Variants in RCSD1 observed in about 807,000 individuals in gnomAD.
The protein encoded by RCSD1 is RCSD domain containing 1.
Under a neutral mutation model 42.5 loss-of-function variants are expected in RCSD1, and 26 were observed. That is an observed-to-expected ratio of 0.61 (90% confidence interval 0.45 to 0.85). RCSD1 has a LOEUF of 0.85. RCSD1 is among the 40% of genes least tolerant of loss of function. RCSD1 has a pLI of 0.00. For synonymous variants in RCSD1, 220 were observed against 212.2 expected, an observed-to-expected ratio of 1.04 and a Z score of -0.32; for missense variants, 571 against 528.3, an observed-to-expected ratio of 1.08 and a Z score of -0.79.
rs967705745 is a variant in RCSD1, at chr1:167,697,082, T to A, written c.475-17T>A. 2 of 1,598,718 alleles carry A rather than the reference T, an allele frequency of 1.3e-6. No individual in the cohort carries two copies. Among genetic ancestry groups the A allele is most frequent in the Admixed American group, 1.8e-5 (1 of 56,790 alleles). On this transcript the variant is annotated splice_polypyrimidine_tract_variant and intron_variant, in intron 5 of 6. Coordinates refer to ENST00000367854, the MANE Select transcript of RCSD1 (RefSeq NM_052862.4). The stretch of plus-strand genomic sequence containing the variant: ...TTTATGAGTTTTTGGATAACTTTCC[T>A]TAACACTTTCTTCTAGGTGCGGACG...
chr1:167,662,333 G>T (rs1658557516), intron 1 of RCSD1, among the ~76,000 whole-genome samples: 1 of 152,344 alleles, frequency 6.6e-6, no homozygotes, highest in South Asian at 2.1e-4. Flanking sequence ...GGTGCTGGGG[G>T]ATTGGGGTGT....
At chr1:167,634,201 A>G in intron 1 of RCSD1, among the ~76,000 whole-genome samples, 1 of 152,194 alleles carries the variant, frequency 6.6e-6, no homozygotes, top group East Asian at 1.9e-4. Flanking sequence ...GCACTCTCAG[A>G]GCACTTTGTT....
At chr1:167,698,729 T>C (rs1158451415) in intron 6 of RCSD1, among the ~76,000 whole-genome samples, 1 of 152,194 alleles carries the variant, frequency 6.6e-6, no homozygotes, top group Non-Finnish European at 1.5e-5. Flanking sequence ...CATGCGTTCA[T>C]TTACTCACAC....
rs1658364136 is a variant in RCSD1, at chr1:167,653,853, G to GT, written c.6+23425dup. Among the ~76,000 whole-genome samples the GT allele has an allele frequency of 2.0e-5, 3 of 152,218 alleles. No homozygotes were observed. In the South Asian group the frequency reaches 6.2e-4, roughly 31 times the overall value. Reference sequence around the variant, plus strand: ...GAGAATAAGGATCAAGGCATTTGAGGTAGAAGAACAGCATCTGCAGACACA... The same window carrying GT: ...GAGAATAAGGATCAAGGCATTTGAGGTTAGAAGAACAGCATCTGCAGACACA... On this transcript the variant is annotated intron_variant, in intron 1 of 6. Coordinates refer to ENST00000367854, the MANE Select transcript of RCSD1 (RefSeq NM_052862.4).
intron 1 of RCSD1, among the ~76,000 whole-genome samples, chr1:167,670,219 A>G (rs1357654953): frequency 6.6e-6 from 1 of 152,170 alleles, no homozygotes; most frequent in Non-Finnish European, 1.5e-5. Flanking sequence ...AGAGTAGTGC[A>G]TAACAGGGAG....
chr1:167,678,063 C>G (rs984311748), intron 1 of RCSD1, among the ~76,000 whole-genome samples: 1 of 152,214 alleles, frequency 6.6e-6, no homozygotes, highest in Non-Finnish European at 1.5e-5. Context: ...GCCCTCCAGG[C>G]TCCCACTGGA....
At chr1:167,639,778 G>A (rs1384777430) in intron 1 of RCSD1, among the ~76,000 whole-genome samples, 3 of 152,248 alleles carry the variant, frequency 2.0e-5, no homozygotes, top group Non-Finnish European at 4.4e-5. Context: ...ACAGGCATGA[G>A]CCATGATGCC....
intron 1 of RCSD1, among the ~76,000 whole-genome samples, chr1:167,681,102 A>G (rs968668482): frequency 6.6e-6 from 1 of 152,216 alleles, no homozygotes; most frequent in African/African-American, 2.4e-5. Context: ...CCAAGACCAC[A>G]CTTCTTCCAT....
chr1:167,643,163 A>G (rs148388887), intron 1 of RCSD1, among the ~76,000 whole-genome samples: 98 of 152,346 alleles, frequency 6.4e-4, no homozygotes, highest in African/African-American at 2.3e-3. Flanking sequence ...AGTACCTTGA[A>G]GCGTTCAATT....
chr1:167,640,859 T>G (rs917727285), intron 1 of RCSD1: 23 of 152,172 alleles, frequency 1.5e-4, no homozygotes, highest in African/African-American at 5.6e-4. Context: ...TAGGAAGTTA[T>G]CATAACTTTT....
intron 1 of RCSD1, among the ~76,000 whole-genome samples, chr1:167,661,303 C>T (rs1020085645): frequency 6.6e-6 from 1 of 152,188 alleles, no homozygotes; most frequent in Non-Finnish European, 1.5e-5. Flanking sequence ...GGACTAGACC[C>T]TGCACTTCTA....
chr1:167,631,065 C>T (rs1170029667), intron 1 of RCSD1, among the ~76,000 whole-genome samples: 1 of 152,246 alleles, frequency 6.6e-6, no homozygotes, highest in Non-Finnish European at 1.5e-5. Context: ...CCCTTGGACA[C>T]CCTTGCCTCT....
At chr1:167,643,464 C>G (rs559658843) in intron 1 of RCSD1, among the ~76,000 whole-genome samples, 2 of 152,216 alleles carry the variant, frequency 1.3e-5, no homozygotes, top group Non-Finnish European at 2.9e-5. Context: ...AAAGTACTTT[C>G]CCGTATCTGT....
At chr1:167,695,510 C>T (rs1268895465) in intron 5 of RCSD1, among the ~76,000 whole-genome samples, 3 of 150,798 alleles carry the variant, frequency 2.0e-5, no homozygotes, top group African/African-American at 7.3e-5. Flanking sequence ...GGGAAAATAA[C>T]ATTTACAAAA....
intron 3 of RCSD1, among the ~76,000 whole-genome samples, chr1:167,688,099 G>A (rs568969082): frequency 4.6e-5 from 7 of 152,278 alleles, no homozygotes; most frequent in African/African-American, 1.4e-4. Context: ...GGGAAATGAT[G>A]CCACCTGCTG....
At position 167,690,085 on chromosome 1, in the gene RCSD1, A is replaced by G. The variant is rs1472734244; in HGVS notation, c.235A>G (p.Lys79Glu). ...PPNASHPPKF[K>E]VKSSPLIEKL... ...CAATGCGAGCCACCCTCCTAAATTC[A>G]AGGTCAAGAGCTCGCCTCTGATTGA... Residue 79 changes from lysine (K) to glutamate (E), a missense_variant, in exon 4 of 7, where the codon AAG becomes GAG. By Grantham distance (56) the Lys-to-Glu change is moderately conservative. Transcript: ENST00000367854. 9.3e-6 allele frequency: 15 copies of G among 1,614,092 alleles called. No homozygotes were observed. The highest frequency in any genetic ancestry group is 1.6e-4 in the Middle Eastern group (1 of 6,062).
chr1:167,685,362 C>T, intron 2 of RCSD1, 59 bp from the exon 3 acceptor site: 1 of 1,390,462 alleles, frequency 7.2e-7, no homozygotes, highest in Non-Finnish European at 1.0e-6. Context: ...CTCTTCCTCC[C>T]TGTTGCCTGA....
At chr1:167,634,026 T>C (rs1020977782) in intron 1 of RCSD1, among the ~76,000 whole-genome samples, 3 of 152,196 alleles carry the variant, frequency 2.0e-5, no homozygotes, top group Non-Finnish European at 4.4e-5. Flanking sequence ...CATTGGTCTT[T>C]GAGTCTCCAG....
rs529488140 is a variant in RCSD1 at position 167,696,305 on chromosome 1, C to G, written c.475-794C>G. Among the ~76,000 whole-genome samples the G allele has an allele frequency of 8.5e-5, 13 of 152,128 alleles. 1 individual carries two copies. The South Asian group carries it at 2.7e-3, about 32-fold the overall frequency. On this transcript the variant is annotated intron_variant, in intron 5 of 6. Coordinates refer to ENST00000367854, the MANE Select transcript of RCSD1 (RefSeq NM_052862.4). The stretch of plus-strand genomic sequence containing the variant: ...GTTATCTTTTTTACTGGATAGGAAG[C>G]ATTTTGCATCTTCACAAGATAAAAG...
Sources: gnomAD v4.1 joint callset for allele counts (sites outside exome capture counted in the v4.1 genomes callset) on GRCh38, gnomAD v4.1.1 for gene constraint, MANE v1.5 for transcripts, NCBI Gene and HGNC (gene_info 2026-07-23, HGNC 2026-07-21) for gene names.